CMSS1: variants seen among roughly 807,000 people sequenced by gnomAD.
The protein encoded by CMSS1 is protein CMSS1.
A neutral mutation model predicts 43.5 loss-of-function variants in CMSS1; 33 were observed. The ratio of observed to expected loss-of-function variants is 0.76; its 90% CI spans 0.57 to 1.01. The LOEUF is 1.01. Among genes scored for constraint, CMSS1 ranks in the 50% least tolerant of loss-of-function variants. CMSS1 has a pLI of 0.00. For synonymous variants in CMSS1, 115 were observed against 117.2 expected (o/e 0.98, Z 0.12); for missense variants, 313 against 326.4 (o/e 0.96, Z 0.32).
chr3:100,171,217 C>A lies in CMSS1; in HGVS notation c.519-622C>A, dbSNP rs569316408. 3.3e-5 allele frequency among the ~76,000 whole-genome samples: 5 copies of A among 152,166 alleles called. No individual in the cohort carries two copies. In the East Asian group the frequency reaches 9.6e-4, roughly 29 times the overall value. On this transcript the variant is annotated intron_variant, in intron 6 of 9. Coordinates refer to ENST00000421999, the MANE Select transcript of CMSS1 (RefSeq NM_032359.4). ...TTCCTTCCTTCTTTGCTTCCTCTTT[C>A]CCTTCCTTCCTTCCTTCTTTTCCTG...
At chr3:99,823,574 A>C (rs1232251832) in intron 1 of CMSS1, among the ~76,000 whole-genome samples, 3 of 152,070 alleles carry the variant, frequency 2.0e-5, no homozygotes, top group African/African-American at 7.2e-5. Context: ...CCTCCATTGG[A>C]GTATACATTT....
intron 1 of CMSS1, among the ~76,000 whole-genome samples, chr3:100,017,101 T>C (rs1335360791): frequency 6.6e-6 from 1 of 152,264 alleles, no homozygotes; most frequent in Non-Finnish European, 1.5e-5. Context: ...CATTTTGATA[T>C]TTTTCCTTGT....
At chr3:100,123,965 G>A (rs1428549728) in intron 1 of CMSS1, among the ~76,000 whole-genome samples, 2 of 152,152 alleles carry the variant, frequency 1.3e-5, no homozygotes, top group South Asian at 2.1e-4. Flanking sequence ...GGGTAGAGAG[G>A]GAGAATTAGA....
At chr3:100,120,087 C>T (rs911546630) in intron 1 of CMSS1, among the ~76,000 whole-genome samples, 15 of 152,296 alleles carry the variant, frequency 9.8e-5, no homozygotes, top group African/African-American at 2.9e-4. Context: ...ATGTTCTTGA[C>T]CTCTGAAAAT....
At chr3:99,870,129 T>C (rs190961753) in intron 1 of CMSS1, among the ~76,000 whole-genome samples, 5 of 152,354 alleles carry the variant, frequency 3.3e-5, no homozygotes, top group Admixed American at 2.6e-4. Flanking sequence ...TGCTCATTAT[T>C]CAATCTTTAT....
chr3:99,845,670 T>G (rs1943332361), intron 1 of CMSS1, among the ~76,000 whole-genome samples: 1 of 152,176 alleles, frequency 6.6e-6, no homozygotes, highest in African/African-American at 2.4e-5. Context: ...TTTTCAAAAT[T>G]AAAGGCCAGA....
chr3:100,062,093 CTTTTTTTTTTTTTT>C (rs71907944), intron 1 of CMSS1, among the ~76,000 whole-genome samples: 367 of 53,148 alleles, frequency 6.9e-3, no homozygotes, highest in Non-Finnish European at 8.6e-3. Flanking sequence ...CTGTCTTCTT[CTTTTTTTTTTTTTT>C]TTTTTTTTTT....
chr3:99,876,330 G>T, intron 1 of CMSS1: 1 of 486,472 alleles, frequency 2.1e-6, no homozygotes, highest in Non-Finnish European at 2.7e-6. Context: ...TCCCGCGGAT[G>T]TTCCGGCCGT....
intron 1 of CMSS1, among the ~76,000 whole-genome samples, chr3:99,844,565 A>C (rs1013489572): frequency 2.0e-5 from 3 of 152,176 alleles, no homozygotes; most frequent in African/African-American, 7.2e-5. Flanking sequence ...AAGCTACTAA[A>C]ACGTTTTTAT....
At chr3:100,139,760 G>A (rs1255302501) in intron 1 of CMSS1, among the ~76,000 whole-genome samples, 1 of 145,450 alleles carries the variant, frequency 6.9e-6, no homozygotes, top group Non-Finnish European at 1.5e-5. Flanking sequence ...TCGCGCCATT[G>A]CACTCCAGCC....
At chr3:100,175,809 A>T (rs1361109108) in intron 8 of CMSS1, among the ~76,000 whole-genome samples, 2 of 152,164 alleles carry the variant, frequency 1.3e-5, no homozygotes, top group Admixed American at 6.5e-5. Flanking sequence ...CAGAGAATGG[A>T]GTCATTAAGT....
At chr3:99,938,512 C>A (rs776149724) in intron 1 of CMSS1, among the ~76,000 whole-genome samples, 2 of 152,148 alleles carry the variant, frequency 1.3e-5, no homozygotes, top group Non-Finnish European at 2.9e-5. Flanking sequence ...ATATTTAACA[C>A]CCCATACTTT....
chr3:100,178,657 G>T lies in CMSS1; in HGVS notation c.*269G>T. 3.2e-6 allele frequency: 1 copy of T among 312,028 alleles called. No individual in the cohort carries two copies. Among genetic ancestry groups the T allele is most frequent in the South Asian group, 5.0e-5 (1 of 19,978 alleles). 19.3% of individuals were successfully genotyped at this position (312,028 alleles called of 1,614,324 possible). ...TCACCAACTGGCTTCTGATGTAACT[G>T]TGCAGGAGAAAGGAAAGAGCAGCTG... On this transcript the variant is annotated 3_prime_UTR_variant, in exon 10 of 10. Coordinates refer to ENST00000421999, the MANE Select transcript of CMSS1 (RefSeq NM_032359.4).
At chr3:99,852,196 T>G (rs1471630224) in intron 1 of CMSS1, among the ~76,000 whole-genome samples, 1 of 152,224 alleles carries the variant, frequency 6.6e-6, no homozygotes, top group African/African-American at 2.4e-5. Flanking sequence ...ATAGAGGATG[T>G]AATTACAGCT....
At chr3:99,912,018 AATTTTTAG>A (rs1706805384) in intron 1 of CMSS1, among the ~76,000 whole-genome samples, 1 of 152,112 alleles carries the variant, frequency 6.6e-6, no homozygotes, top group Non-Finnish European at 1.5e-5. Context: ...TAAAAGTTTT[AATTTTTAG>A]AGTGTTAAGA....
intron 1 of CMSS1, among the ~76,000 whole-genome samples, chr3:99,839,135 C>A (rs1210459139): frequency 6.6e-6 from 1 of 152,150 alleles, no homozygotes; most frequent in East Asian, 1.9e-4. Flanking sequence ...CTGCTCAATT[C>A]TCATCTGTTT....
At chr3:99,968,504 G>A (rs905088475) in intron 1 of CMSS1, among the ~76,000 whole-genome samples, 6 of 152,080 alleles carry the variant, frequency 3.9e-5, no homozygotes, top group Admixed American at 2.0e-4. Flanking sequence ...AATAAACATG[G>A]AAGGTGATGG....
chr3:100,105,764 A>G (rs1235967027), intron 1 of CMSS1, among the ~76,000 whole-genome samples: 1 of 152,188 alleles, frequency 6.6e-6, no homozygotes, highest in Non-Finnish European at 1.5e-5. Context: ...TTAGAAGCCC[A>G]TGCTTCTTAC....
In CMSS1 at chr3:99,848,386, TTAATTA is replaced by T. The variant is rs775903903; in HGVS notation, c.64+30344_64+30349del. ...ATTGGTTGTTTTGTTTAGTGCCCCG[TTAATTA>T]AGCCTTGAGTTCGGTTATCCTGCAG... On this transcript the variant is annotated intron_variant, in intron 1 of 9. Transcript: ENST00000421999. 64 of 1,614,182 alleles carry T rather than the reference TTAATTA, an allele frequency of 4.0e-5. 2 individuals carry two copies. In the Admixed American group the frequency reaches 6.8e-4, roughly 17 times the overall value.
Sources: allele counts gnomAD v4.1 joint callset (sites outside exome capture counted in the v4.1 genomes callset), GRCh38; gene constraint gnomAD v4.1.1; transcripts MANE v1.5; gene names NCBI Gene and HGNC (gene_info 2026-07-23, HGNC 2026-07-21).